The following CEP63 variants were observed in gnomAD, a reference collection of about 807,000 sequenced individuals.
CEP63 encodes centrosomal protein 63.
Under a neutral mutation model 89.1 loss-of-function variants are expected in CEP63, and 84 were observed. The observed-to-expected ratio is 0.94, with a 90% CI of 0.79 to 1.13. The LOEUF (loss-of-function observed/expected upper bound fraction) is 1.13. Ranked by LOEUF, CEP63 falls within the 50% of genes most tolerant of loss-of-function variation. The pLI, the probability that CEP63 is intolerant of heterozygous loss-of-function variation, is 0.00. For synonymous variants in CEP63, 267 were observed against 272.5 expected, an observed-to-expected ratio of 0.98 and a Z score of 0.20; for missense variants, 838 against 813.3, an observed-to-expected ratio of 1.03 and a Z score of -0.37.
chr3:134,723,157 T>G, the CEP63 span, among the ~76,000 whole-genome samples: 2 of 152,220 alleles, frequency 1.3e-5, no homozygotes, highest in African/African-American at 4.8e-5. Context: ...AATGAATTAT[T>G]GGCCCTAATT....
chr3:134,645,705 G>A, the CEP63 span, among the ~76,000 whole-genome samples: 5 of 152,228 alleles, frequency 3.3e-5, no homozygotes, highest in Non-Finnish European at 7.3e-5. Flanking sequence ...CCTCTGTCCA[G>A]CCCTGCATTT....
intron 12 of CEP63, among the ~76,000 whole-genome samples, chr3:134,555,851 T>C (rs1956040173): frequency 6.6e-6 from 1 of 152,100 alleles, no homozygotes; most frequent in African/African-American, 2.4e-5. Flanking sequence ...GCTGGAGGCA[T>C]CACCCTACTT....
At chr3:134,774,134 A>AGAGAAGAAAT in the CEP63 span, among the ~76,000 whole-genome samples, 1 of 152,148 alleles carries the variant, frequency 6.6e-6, no homozygotes, top group African/African-American at 2.4e-5. Context: ...GGTCCCATTG[A>AGAGAAGAAAT]CATGCTCTGG....
chr3:134,619,217 G>A, the CEP63 span: 2 of 1,613,954 alleles, frequency 1.2e-6, no homozygotes, highest in Non-Finnish European at 1.7e-6. Context: ...GATGTCAGTG[G>A]GTTTGAAGGC....
the CEP63 span, among the ~76,000 whole-genome samples, chr3:134,663,152 A>C: frequency 6.6e-6 from 1 of 152,180 alleles, no homozygotes; most frequent in Non-Finnish European, 1.5e-5. Flanking sequence ...CCCCTCTGGC[A>C]CCCAGGATGT....
the CEP63 span, among the ~76,000 whole-genome samples, chr3:134,670,241 A>C: frequency 9.7e-4 from 147 of 152,298 alleles, no homozygotes; most frequent in Middle Eastern, 0.01. Flanking sequence ...ATTTTCACAG[A>C]AAGTTTTACA....
the CEP63 span, chr3:134,627,699 A>C: frequency 1.3e-6 from 2 of 1,493,948 alleles, no homozygotes; most frequent in East Asian, 2.3e-5. Context: ...AGATTAGTCT[A>C]TGAGGCTAAA....
chr3:134,647,980 C>T, the CEP63 span, among the ~76,000 whole-genome samples: 5 of 152,184 alleles, frequency 3.3e-5, no homozygotes, highest in Non-Finnish European at 7.3e-5. Context: ...AGAGGGTAAA[C>T]ACGTATGGCC....
the CEP63 span, chr3:134,607,993 G>A: frequency 1.1e-5 from 11 of 1,034,154 alleles, no homozygotes; most frequent in South Asian, 4.0e-4. Flanking sequence ...CTAGCTACTA[G>A]GCCTGTTCTC....
At chr3:134,747,710 G>T in the CEP63 span, among the ~76,000 whole-genome samples, 2,566 of 152,288 alleles carry the variant, frequency 0.017, 64 homozygotes, top group African/African-American at 0.058. Context: ...TGGAAGAAAG[G>T]GGGGGAGAGT....
chr3:134,688,857 C>G, the CEP63 span, among the ~76,000 whole-genome samples: 4,498 of 152,290 alleles, frequency 0.03, 92 homozygotes, highest in Middle Eastern at 0.068. Context: ...GAAGTCTCAG[C>G]CTTCATGGAA....
intron 3 of CEP63, among the ~76,000 whole-genome samples, chr3:134,520,762 A>G (rs1947268094): frequency 6.6e-6 from 1 of 152,208 alleles, no homozygotes. Context: ...TGACAAGATG[A>G]CACTGCAAGA....
At chr3:134,594,249 C>T in the CEP63 span, among the ~76,000 whole-genome samples, 2 of 152,204 alleles carry the variant, frequency 1.3e-5, no homozygotes, top group Non-Finnish European at 2.9e-5. Flanking sequence ...CTAATATCTG[C>T]ACTTCGTCAG....
chr3:134,733,042 T>C, the CEP63 span, among the ~76,000 whole-genome samples: 1 of 152,210 alleles, frequency 6.6e-6, no homozygotes, highest in East Asian at 1.9e-4. Context: ...CACAATGTTA[T>C]AGGAGAGAAT....
the CEP63 span, among the ~76,000 whole-genome samples, chr3:134,777,299 T>C: frequency 6.6e-6 from 1 of 152,250 alleles, no homozygotes; most frequent in African/African-American, 2.4e-5. Context: ...TAGTATTTCA[T>C]ACTTTAGACT....
downstream of CEP63, among the ~76,000 whole-genome samples, chr3:134,589,412 A>G (rs1247232819): frequency 1.3e-5 from 2 of 152,220 alleles, no homozygotes; most frequent in Non-Finnish European, 2.9e-5. Context: ...CATCTGGAAT[A>G]GTGAAATATT....
the CEP63 span, among the ~76,000 whole-genome samples, chr3:134,596,792 C>T: frequency 6.6e-6 from 1 of 152,152 alleles, no homozygotes; most frequent in Non-Finnish European, 1.5e-5. Flanking sequence ...TCCTGAATCC[C>T]AGAATCTTGT....
At chr3:134,765,338 C>G in the CEP63 span, among the ~76,000 whole-genome samples, 95,904 of 152,130 alleles carry the variant, frequency 0.63, 32,334 homozygotes, top group East Asian at 0.87. Context: ...AGGTGGTAAA[C>G]AGATGGACTT....
the CEP63 span, among the ~76,000 whole-genome samples, chr3:134,626,413 A>G: frequency 6.6e-6 from 1 of 152,194 alleles, no homozygotes; most frequent in Non-Finnish European, 1.5e-5. Flanking sequence ...CCTCAGGCAC[A>G]CATCTGTGGG....
Sources: gnomAD v4.1 joint callset for allele counts (sites outside exome capture counted in the v4.1 genomes callset) on GRCh38, gnomAD v4.1.1 for gene constraint, MANE v1.5 for transcripts, NCBI Gene and HGNC (gene_info 2026-07-23, HGNC 2026-07-21) for gene names.